The following TTC13 variants were observed in gnomAD, a reference collection of about 807,000 sequenced individuals.
The protein encoded by TTC13 is tetratricopeptide repeat protein 13.
A neutral mutation model predicts 120.0 loss-of-function variants in TTC13; 62 were observed. The ratio of observed to expected loss-of-function variants is 0.52; its 90% confidence interval spans 0.42 to 0.64. The LOEUF (loss-of-function observed/expected upper bound fraction) is 0.64, where lower values mean the gene tolerates loss of function less well. TTC13 is among the 30% of genes least tolerant of loss of function. The pLI, the probability that TTC13 is intolerant of heterozygous loss-of-function variation, is 0.00. For missense variants in TTC13, 824 were observed against 1,050.2 expected (o/e 0.78, Z 2.98); for synonymous variants, 384 against 393.5 (o/e 0.98, Z 0.28).
At chr1:230,941,203 C>A (rs1005462116) in intron 6 of TTC13, among the ~76,000 whole-genome samples, 1 of 152,204 alleles carries the variant, frequency 6.6e-6, no homozygotes, top group South Asian at 2.1e-4. Flanking sequence ...AAAAGTAAAC[C>A]AAAAAGACAT....
At chr1:230,948,844 C>G (rs1459245198) in intron 4 of TTC13, among the ~76,000 whole-genome samples, 2 of 152,120 alleles carry the variant, frequency 1.3e-5, no homozygotes, top group Non-Finnish European at 2.9e-5. Flanking sequence ...ATACAAGATG[C>G]TTTCCCAAAT....
At chr1:230,974,274 T>G (rs1424902184) in intron 1 of TTC13, among the ~76,000 whole-genome samples, 1 of 152,146 alleles carries the variant, frequency 6.6e-6, no homozygotes, top group African/African-American at 2.4e-5. Context: ...CCTCTTAAAG[T>G]AGCACCTACA....
At chr1:230,977,242 A>G (rs1468003938) in intron 1 of TTC13, among the ~76,000 whole-genome samples, 3 of 152,220 alleles carry the variant, frequency 2.0e-5, no homozygotes, top group African/African-American at 7.2e-5. Flanking sequence ...CCTGGCATAC[A>G]GCAAGCACTC....
rs544905627 is a variant in TTC13 at position 230,926,375 on chromosome 1, C to A, written c.1458-728G>T. Among the ~76,000 whole-genome samples, 23 of 152,074 alleles carry A rather than the reference C, an allele frequency of 1.5e-4. 1 individual carries two copies. Among genetic ancestry groups the A allele is most frequent in the Admixed American group, 1.3e-3 (20 of 15,270 alleles). ...ATTAAATTCTCCCAGCGATTAGTTG[C>A]GAACACGTGTAAAATGCTGCCAACC... On this transcript the variant is annotated intron_variant, in intron 12 of 22. Coordinates refer to ENST00000366661, the MANE Select transcript of TTC13 (RefSeq NM_024525.5).
chr1:230,962,540 C>G (rs1676742311), intron 1 of TTC13, among the ~76,000 whole-genome samples: 2 of 152,076 alleles, frequency 1.3e-5, no homozygotes, highest in African/African-American at 4.8e-5. Context: ...GAAAATAGTT[C>G]CTTAAAAAGC....
At chr1:230,965,236 C>A (rs774010140) in intron 1 of TTC13, among the ~76,000 whole-genome samples, 1 of 152,026 alleles carries the variant, frequency 6.6e-6, no homozygotes. Flanking sequence ...CTCTGACAAG[C>A]GATTAGTAAC....
At position 230,942,939 on chromosome 1, in the gene TTC13, T is replaced by C. The variant is rs1674648222; in HGVS notation, c.672+867A>G. On this transcript the variant is annotated intron_variant, in intron 6 of 22. Coordinates refer to ENST00000366661, the MANE Select transcript of TTC13 (RefSeq NM_024525.5). This position sits in a 1 kb window ranked among gnomAD's most constrained non-coding sequence, Gnocchi z 4.0. ...ATTACATGGCATCTTCACCACATAT[T>C]ATCTGTCTCTATGTCAAGTTCCTTT... 6.6e-6 allele frequency among the ~76,000 whole-genome samples: 1 copy of C among 152,206 alleles called. No individual in the cohort carries two copies.
At chr1:230,909,137 TA>T in intron 20 of TTC13, 117 bp from the exon 21 acceptor site, 1 of 803,416 alleles carries the variant, frequency 1.2e-6, no homozygotes, top group South Asian at 1.7e-5. Context: ...TTCTTTCAAA[TA>T]AAACACCGAA....
At chr1:230,933,602 C>T (rs9431601) in intron 9 of TTC13, among the ~76,000 whole-genome samples, 177 bp downstream of exon 9, 20,445 of 152,172 alleles carry the variant, frequency 0.13, 1,388 homozygotes, top group Middle Eastern at 0.16. Flanking sequence ...TCCTCTGGTA[C>T]AATTTATTTT....
chr1:230,963,842 G>A (rs12136256), intron 1 of TTC13, among the ~76,000 whole-genome samples: 48,307 of 151,696 alleles, frequency 0.32, 7,793 homozygotes, highest in Middle Eastern at 0.48. Flanking sequence ...AAAAGAAAAA[G>A]TATGAGTTTG....
chr1:230,911,714 T>G (rs1476811006), intron 19 of TTC13, among the ~76,000 whole-genome samples, 165 bp from the exon 20 acceptor site: 1 of 152,212 alleles, frequency 6.6e-6, no homozygotes, highest in Admixed American at 6.5e-5. Flanking sequence ...TACCCTTTTG[T>G]ATCATTTTTT....
chr1:230,925,365 C>T, intron 13 of TTC13, 152 bp downstream of exon 13: 1 of 943,118 alleles, frequency 1.1e-6, no homozygotes, highest in Non-Finnish European at 1.5e-6. Flanking sequence ...TTTCAGAATT[C>T]AGTTTGAATG....
chr1:230,938,425 C>T (rs1321748010), intron 8 of TTC13, among the ~76,000 whole-genome samples: 2 of 152,202 alleles, frequency 1.3e-5, no homozygotes, highest in South Asian at 2.1e-4. Context: ...GTGGGTTCCC[C>T]GCACAGACTC....
intron 8 of TTC13, among the ~76,000 whole-genome samples, chr1:230,937,447 G>A (rs1674169215): frequency 6.6e-6 from 1 of 152,146 alleles, no homozygotes; most frequent in Non-Finnish European, 1.5e-5. Flanking sequence ...TAAAATTTAA[G>A]GTGACTGTCA....
At chr1:230,955,394 T>C (rs559492692) in intron 3 of TTC13, among the ~76,000 whole-genome samples, 1 of 152,088 alleles carries the variant, frequency 6.6e-6, no homozygotes, top group Non-Finnish European at 1.5e-5. Flanking sequence ...CCAGGCGTGG[T>C]GGCTTACACC....
chr1:230,911,653 G>C, intron 19 of TTC13, 104 bp from the exon 20 acceptor site: 1 of 613,702 alleles, frequency 1.6e-6, no homozygotes, highest in Non-Finnish European at 2.6e-6. Context: ...GAAGAGGATT[G>C]TTTTCTTCCT....
chr1:230,914,074 G>A (rs921857105), intron 18 of TTC13, among the ~76,000 whole-genome samples: 10 of 152,134 alleles, frequency 6.6e-5, no homozygotes, highest in Admixed American at 2.0e-4. Context: ...AAGATGGGAT[G>A]CCAGGCAGAG....
At position 230,954,230 on chromosome 1, in the gene TTC13, A is replaced by G. The variant is rs906273202; in HGVS notation, c.513+103T>C. ...ATACCAATTTCTTTCACTTTCTTGT[A>G]TAATTTAAAAACATGTCGTATTACA... On this transcript the variant is annotated intron_variant, in intron 4 of 22. Coordinates refer to ENST00000366661, the MANE Select transcript of TTC13 (RefSeq NM_024525.5). The G allele has an allele frequency of 3.8e-6, 3 of 792,490 alleles. No individual in the cohort carries two copies. The African/African-American group carries it at 5.2e-5, about 14-fold the overall frequency. 49.1% of individuals were successfully genotyped at this position (792,490 alleles called of 1,614,324 possible).
chr1:230,912,567 A>C (rs1301816875), intron 19 of TTC13, 56 bp downstream of exon 19: 1 of 1,585,856 alleles, frequency 6.3e-7, no homozygotes, highest in African/African-American at 1.4e-5. Context: ...GAGGTTCAAA[A>C]AATTTACAAA....
Sources: gnomAD v4.1 joint callset for allele counts (sites outside exome capture counted in the v4.1 genomes callset) on GRCh38, gnomAD v4.1.1 for gene constraint, Gnocchi (gnomAD v3.1) non-coding constraint, MANE v1.5 for transcripts, NCBI Gene and HGNC (gene_info 2026-07-23, HGNC 2026-07-21) for gene names.